The following BCL11B variants were observed in gnomAD, a reference collection of about 807,000 sequenced individuals.
BCL11B encodes the protein BCL11 transcription factor B.
Under a neutral mutation model 49.9 loss-of-function variants are expected in BCL11B, and 8 were observed. The ratio of observed to expected loss-of-function variants is 0.16; its 90% CI spans 0.09 to 0.29. BCL11B has a LOEUF of 0.29. BCL11B is among the 10% of genes least tolerant of loss of function. The pLI, the probability that BCL11B is intolerant of heterozygous loss-of-function variation, is 1.00. For synonymous variants in BCL11B, 739 were observed against 637.4 expected (o/e 1.16, Z -2.40); for missense variants, 1,006 against 1,351.0 (o/e 0.74, Z 4.00).
At chr14:99,263,736 G>A (rs752436441) in intron 1 of BCL11B, among the ~76,000 whole-genome samples, 7 of 151,922 alleles carry the variant, frequency 4.6e-5, no homozygotes, top group Admixed American at 6.6e-5. Flanking sequence ...CTGAGCCCAG[G>A]AGTCTGGGTC....
At chr14:99,211,547 C>T (rs1420362904) in intron 3 of BCL11B, among the ~76,000 whole-genome samples, 1 of 152,318 alleles carries the variant, frequency 6.6e-6, no homozygotes, top group East Asian at 1.9e-4. Flanking sequence ...CGTGTGCACA[C>T]AGACATATGT....
chr14:99,263,015 T>A (rs1750907746), intron 1 of BCL11B: 1 of 151,558 alleles, frequency 6.6e-6, no homozygotes, highest in African/African-American at 2.4e-5. Context: ...GAAATGGAGA[T>A]AAGAGGGAGG....
rs1888665355 is a variant in BCL11B at position 99,241,349 on chromosome 14, C to T, written c.428-9792G>A. Among the ~76,000 whole-genome samples the T allele has an allele frequency of 6.6e-6, 1 of 151,986 alleles. No individual in the cohort carries two copies. The highest frequency in any genetic ancestry group is 2.4e-5 in the African/African-American group (1 of 41,360). On this transcript the variant is annotated intron_variant, in intron 2 of 3. Transcript: ENST00000357195. The surrounding 1 kb of genome is among the most constrained non-coding windows in gnomAD (Gnocchi z 4.4). ...TTACACATAAACAATCATAGTGTAG[C>T]CAGGATCCCAACGAGCTCCAATTCC...
chr14:99,213,359 C>T lies in BCL11B; in HGVS notation c.640+17986G>A, dbSNP rs189213232. Among the ~76,000 whole-genome samples the T allele has an allele frequency of 3.3e-5, 5 of 152,246 alleles. No individual in the cohort carries two copies. Among genetic ancestry groups the T allele is most frequent in the Admixed American group, 3.3e-4 (5 of 15,298 alleles). ...AGCAGAGGCTGCCACCCAGAATGCC[C>T]GGCACGTTATTCAGCAATGAGGTAT... On this transcript the variant is annotated intron_variant, in intron 3 of 3. Coordinates refer to ENST00000357195, the MANE Select transcript of BCL11B (RefSeq NM_138576.4). This position sits in a 1 kb window ranked among gnomAD's most constrained non-coding sequence, Gnocchi z 5.1.
At chr14:99,221,328 G>T (rs963504512) in intron 3 of BCL11B, among the ~76,000 whole-genome samples, 2 of 152,166 alleles carry the variant, frequency 1.3e-5, no homozygotes, top group South Asian at 2.1e-4. Flanking sequence ...CTTAACAAAG[G>T]CAATCATTTA....
rs1888668657 is a variant in BCL11B at position 99,241,462 on chromosome 14, ACCC to A, written c.428-9908_428-9906del. Among the ~76,000 whole-genome samples the A allele has an allele frequency of 2.0e-5, 3 of 151,278 alleles. No homozygotes were observed. Among genetic ancestry groups the A allele is most frequent in the African/African-American group, 7.3e-5 (3 of 41,074 alleles). On this transcript the variant is annotated intron_variant, in intron 2 of 3. Coordinates refer to ENST00000357195, the MANE Select transcript of BCL11B (RefSeq NM_138576.4). The surrounding 1 kb of genome is among the most constrained non-coding windows in gnomAD (Gnocchi z 4.4). ...GCCTCAGAGACTAAACAGACACAAA[ACCC>A]AAAAGAAAAAGAAAAAAAAAAATCT...
intron 3 of BCL11B, among the ~76,000 whole-genome samples, chr14:99,189,490 CCACA>C (rs891372164): frequency 5.9e-5 from 9 of 152,174 alleles, no homozygotes; most frequent in Admixed American, 1.3e-4. Context: ...ACACGCACAC[CCACA>C]CACACAGTGT....
At chr14:99,210,077 A>C (rs1219174139) in intron 3 of BCL11B, among the ~76,000 whole-genome samples, 1 of 152,102 alleles carries the variant, frequency 6.6e-6, no homozygotes, top group Non-Finnish European at 1.5e-5. Flanking sequence ...ATTCCTGGGC[A>C]GCACGATTGA....
At chr14:99,238,595 G>A (rs1888571688) in intron 2 of BCL11B, among the ~76,000 whole-genome samples, 1 of 152,158 alleles carries the variant, frequency 6.6e-6, no homozygotes. Context: ...GGAGGTGGAG[G>A]GGGCTGGCCG....
intron 3 of BCL11B, among the ~76,000 whole-genome samples, chr14:99,215,674 C>T (rs578165746): frequency 4.9e-4 from 74 of 152,304 alleles, no homozygotes; most frequent in African/African-American, 1.7e-3. Context: ...TAAGCCGGCT[C>T]GCACTGCCTC....
intron 3 of BCL11B, among the ~76,000 whole-genome samples, chr14:99,178,083 C>T (rs1408136252): frequency 1.3e-5 from 2 of 152,038 alleles, no homozygotes; most frequent in African/African-American, 2.4e-5. Context: ...TCGTGCTGTC[C>T]GAGGGGCAGG....
chr14:99,268,514 G>C (rs769525356), intron 1 of BCL11B, among the ~76,000 whole-genome samples: 2 of 152,144 alleles, frequency 1.3e-5, no homozygotes, highest in Non-Finnish European at 2.9e-5. Flanking sequence ...CACCCGCTTT[G>C]CCAGCCAGGG....
rs1309688012 is a variant in BCL11B, at chr14:99,268,536, C to G, written c.58+2625G>C. 3.3e-5 allele frequency among the ~76,000 whole-genome samples: 5 copies of G among 152,126 alleles called. No homozygotes were observed. The East Asian group carries it at 7.8e-4, about 24-fold the overall frequency. ...TTTGCCAGCCAGGGCTCCAAAGCAC[C>G]CTGAGTCCACGGCTCCTGCATCATT... On this transcript the variant is annotated intron_variant, in intron 1 of 3. Transcript: ENST00000357195.
In BCL11B at chr14:99,194,254, T is replaced by G. The variant is rs1346847512; in HGVS notation, c.641-18059A>C. On this transcript the variant is annotated intron_variant, in intron 3 of 3. Coordinates refer to ENST00000357195, the MANE Select transcript of BCL11B (RefSeq NM_138576.4). This position sits in a 1 kb window ranked among gnomAD's most constrained non-coding sequence, Gnocchi z 4.6. Reference sequence around the variant, plus strand: ...AGAGCAAGTGCTGCTGGCCCCGGACTGTCCCCCAGCAGCAGAAGTCACAGT... The same window carrying G: ...AGAGCAAGTGCTGCTGGCCCCGGACGGTCCCCCAGCAGCAGAAGTCACAGT... Among the ~76,000 whole-genome samples, 1 of 151,692 alleles carries G rather than the reference T, an allele frequency of 6.6e-6. No homozygotes were observed. The highest frequency in any genetic ancestry group is 1.9e-4 in the East Asian group (1 of 5,132).
At chr14:99,208,073 C>T (rs1887585428) in intron 3 of BCL11B, among the ~76,000 whole-genome samples, 4 of 152,150 alleles carry the variant, frequency 2.6e-5, no homozygotes, top group African/African-American at 9.7e-5. Context: ...TGGGTGGTAG[C>T]GGACACAGGG....
chr14:99,269,442 T>C (rs1889582321), intron 1 of BCL11B, among the ~76,000 whole-genome samples: 1 of 149,680 alleles, frequency 6.7e-6, no homozygotes, highest in Non-Finnish European at 1.5e-5. Flanking sequence ...CGGCGAAAAA[T>C]AAAAGAGAAG....
At chr14:99,253,943 G>A (rs537180439) in intron 2 of BCL11B, among the ~76,000 whole-genome samples, 6 of 152,162 alleles carry the variant, frequency 3.9e-5, no homozygotes, top group Non-Finnish European at 1.5e-5. Context: ...GACCAGCTTC[G>A]CCCCATCCCC....
chr14:99,221,068 G>A (rs1306170874), intron 3 of BCL11B, among the ~76,000 whole-genome samples: 1 of 152,146 alleles, frequency 6.6e-6, no homozygotes, highest in Non-Finnish European at 1.5e-5. Context: ...TGGCCAGGAT[G>A]GTCTTGATCT....
Position 99,257,834 on chromosome 14 carries a change from C to A in BCL11B, c.64G>T (p.Ala22Ser), listed in dbSNP as rs758993384. The A allele has an allele frequency of 2.0e-6, 3 of 1,528,696 alleles. No individual in the cohort carries two copies. The highest frequency in any genetic ancestry group is 1.4e-5 in the African/African-American group (1 of 72,504). 94.7% of individuals were successfully genotyped at this position (1,528,696 alleles called of 1,614,324 possible). ...AGGATGGCGGCCTCCACATGGTCAG[C>A]CTCTGCTGGAGACAGAAAGAAGAAA... ...LSQRELITPE[A>S]DHVEAAILEE... Residue 22 changes from alanine to serine, a missense_variant, in exon 2 of 4, where the codon GCT becomes TCT. By Grantham distance (99) the Ala-to-Ser change is moderately conservative (BLOSUM62 1). Around this residue, in one of 6 missense-constraint regions of BCL11B, gnomAD observed 411 missense variants for 542.2 expected, o/e 0.76. Coordinates refer to ENST00000357195, the MANE Select transcript of BCL11B (RefSeq NM_138576.4). This position sits in a 1 kb window ranked among gnomAD's most constrained non-coding sequence, Gnocchi z 6.2.
Sources: allele counts gnomAD v4.1 joint callset (sites outside exome capture counted in the v4.1 genomes callset), GRCh38; gene constraint gnomAD v4.1.1; regional missense constraint gnomAD v4.1.1; non-coding constraint Gnocchi (gnomAD v3.1); transcripts MANE v1.5; gene names NCBI Gene and HGNC (gene_info 2026-07-23, HGNC 2026-07-21).